SLC2A14: variants seen among roughly 807,000 people sequenced by gnomAD.
SLC2A14 encodes solute carrier family 2, facilitated glucose transporter member 14.
In SLC2A14, 13 loss-of-function variants were observed where a neutral mutation model predicts 43.0. The observed-to-expected ratio is 0.30, with a 90% confidence interval of 0.20 to 0.48. SLC2A14 has a LOEUF of 0.48. SLC2A14 is among the 20% of genes least tolerant of loss of function. The pLI, the probability that SLC2A14 is intolerant of heterozygous loss-of-function variation, is 0.99. For synonymous variants in SLC2A14, 190 were observed against 233.8 expected, an observed-to-expected ratio of 0.81 and a Z score of 1.71; for missense variants, 428 against 620.4, an observed-to-expected ratio of 0.69 and a Z score of 3.29.
upstream of SLC2A14, chr12:7,891,186 G>A (rs936078643): frequency 2.7e-6 from 4 of 1,496,600 alleles, no homozygotes; most frequent in South Asian, 2.5e-5. Flanking sequence ...GCAGACCCAG[G>A]AGCAGAGTGC....
chr12:7,872,886 C>T lies in SLC2A14; in HGVS notation c.-137G>A. 3.0e-6 allele frequency: 3 copies of T among 985,658 alleles called. No homozygotes were observed. The highest frequency in any genetic ancestry group is 3.6e-6 in the Non-Finnish European group (3 of 830,120). The allele number at this position is 985,658 out of a possible 1,614,324, so 61.1% of individuals were successfully genotyped here. ...TCCCGGGCCGCTGCGCCCCCGCCGG[C>T]CCCGCCTGCAGCCGTTGGGACCCAC... is the stretch of plus-strand genomic sequence containing the variant. On this transcript the variant is annotated 5_prime_UTR_variant, in exon 1 of 11. Coordinates refer to ENST00000431042, the MANE Select transcript of SLC2A14 (RefSeq NM_001286234.2).
Position 7,826,901 on chromosome 12 carries a change from C to CT in SLC2A14, c.864+593dup, listed in dbSNP as rs1379521684. On this transcript the variant is annotated intron_variant, in intron 7 of 10. Transcript: ENST00000431042. ...TCTTTCTTTCTTTCTTTCTTTCTTT[C>CT]TTTCTTTCTTTCTTTTTCCTTTTTC... is the stretch of plus-strand genomic sequence containing the variant. Among the ~76,000 whole-genome samples, 10 of 64,330 alleles carry CT rather than the reference C, an allele frequency of 1.6e-4. 1 individual carries two copies. The allele number at this position is 64,330 out of a possible 152,430, so 42.2% of individuals were successfully genotyped here.
intron 2 of SLC2A14, among the ~76,000 whole-genome samples, chr12:7,835,344 G>A (rs7306599): frequency 0.49 from 74,346 of 151,942 alleles, 19,148 homozygotes; most frequent in Non-Finnish European, 0.58. Context: ...CCGAGATTGC[G>A]TCACTGCACT....
chr12:7,830,856 G>A (rs909004793), intron 4 of SLC2A14, among the ~76,000 whole-genome samples: 87 of 152,252 alleles, frequency 5.7e-4, no homozygotes, highest in Non-Finnish European at 7.1e-4. Context: ...AGGCACAGTG[G>A]CTCATGCCTG....
At chr12:7,824,668 A>G (rs10845999) in intron 7 of SLC2A14, among the ~76,000 whole-genome samples, 90,581 of 147,954 alleles carry the variant, frequency 0.61, 27,776 homozygotes, top group African/African-American at 0.69. Flanking sequence ...AGGAGGTGGA[A>G]GTTGCAGTGA....
At chr12:7,818,207 G>T (rs939135112) in intron 9 of SLC2A14, among the ~76,000 whole-genome samples, 173 bp from the exon 10 acceptor site, 1 of 113,398 alleles carries the variant, frequency 8.8e-6, no homozygotes, top group African/African-American at 2.8e-5. Context: ...TTTTTGAGAC[G>T]GGGTCTTACT....
chr12:7,848,079 C>A (rs1273880255), intron 2 of SLC2A14, among the ~76,000 whole-genome samples: 1 of 152,118 alleles, frequency 6.6e-6, no homozygotes, highest in African/African-American at 2.4e-5. Context: ...CAGAAAGCAG[C>A]TGCAGACAGA....
At chr12:7,875,560 C>T (rs1945449792), upstream of SLC2A14, among the ~76,000 whole-genome samples, 1 of 151,788 alleles carries the variant, frequency 6.6e-6, no homozygotes, top group South Asian at 2.1e-4. Flanking sequence ...TTTCTACCCC[C>T]TCAATATTAA....
intron 2 of SLC2A14, among the ~76,000 whole-genome samples, chr12:7,852,893 C>T (rs1339968583): frequency 1.3e-5 from 2 of 152,030 alleles, no homozygotes; most frequent in Non-Finnish European, 1.5e-5. Context: ...CAGGAGGAAA[C>T]AGAGAAAAAA....
At chr12:7,842,195 C>G (rs113213181) in intron 2 of SLC2A14, among the ~76,000 whole-genome samples, 1 of 152,072 alleles carries the variant, frequency 6.6e-6, no homozygotes, top group African/African-American at 2.4e-5. Flanking sequence ...CATTGAAGGT[C>G]CCTGCATGTC....
intron 1 of SLC2A14, among the ~76,000 whole-genome samples, chr12:7,881,349 G>A (rs1420386557): frequency 1.3e-5 from 2 of 151,936 alleles, no homozygotes; most frequent in East Asian, 3.9e-4. Flanking sequence ...GTGGGTTTGG[G>A]CTCGGCGGGC....
rs1945126212 is a variant in SLC2A14, at chr12:7,869,753, A to G, written c.18+110T>C. The G allele has an allele frequency of 9.9e-6, 7 of 704,912 alleles. No homozygotes were observed. The South Asian group carries it at 1.1e-4, about 11-fold the overall frequency. The allele number at this position is 704,912 out of a possible 1,614,324, so 43.7% of individuals were successfully genotyped here. ...CAGTCTCTCCCACCACCACTTACGT[A>G]TATTACACATTATCAAGACATGAAA... On this transcript the variant is annotated intron_variant, in intron 2 of 10. Transcript: ENST00000431042.
chr12:7,828,097 C>T (rs1864654274), intron 6 of SLC2A14, among the ~76,000 whole-genome samples: 1 of 151,936 alleles, frequency 6.6e-6, no homozygotes, highest in African/African-American at 2.4e-5. Flanking sequence ...GGCGCGGTGG[C>T]TCACACCTGT....
At chr12:7,863,620 A>T (rs1944732950) in intron 2 of SLC2A14, among the ~76,000 whole-genome samples, 1 of 150,952 alleles carries the variant, frequency 6.6e-6, no homozygotes, top group African/African-American at 2.4e-5. Context: ...ACTCCATCTT[A>T]AAAAAAAATA....
intron 1 of SLC2A14, among the ~76,000 whole-genome samples, chr12:7,888,163 C>T (rs1945717248): frequency 6.6e-6 from 1 of 152,100 alleles, no homozygotes; most frequent in Non-Finnish European, 1.5e-5. Context: ...CCCTCCCTAT[C>T]CTCCATTTGA....
intron 4 of SLC2A14, among the ~76,000 whole-genome samples, chr12:7,830,464 T>C (rs1341294514): frequency 6.6e-6 from 1 of 152,136 alleles, no homozygotes; most frequent in African/African-American, 2.4e-5. Context: ...TTTTACTTTC[T>C]ATTATCAGAA....
chr12:7,836,011 A>G (rs1017222686), intron 2 of SLC2A14, among the ~76,000 whole-genome samples: 1 of 152,096 alleles, frequency 6.6e-6, no homozygotes. Flanking sequence ...GCCTAATCCC[A>G]GCTCTCAGGC....
intron 4 of SLC2A14, 125 bp from the exon 5 acceptor site, chr12:7,830,131 C>CT: frequency 9.6e-6 from 12 of 1,248,956 alleles, no homozygotes; most frequent in Non-Finnish European, 1.2e-5. Context: ...TCTAACTTTT[C>CT]TTTTTCACTT....
At chr12:7,836,696 C>T (rs1239315655) in intron 2 of SLC2A14, among the ~76,000 whole-genome samples, 2 of 150,094 alleles carry the variant, frequency 1.3e-5, no homozygotes, top group African/African-American at 2.4e-5. Flanking sequence ...ATTAGCCAGG[C>T]GTGGTGGCAC....
Sources: allele counts gnomAD v4.1 joint callset (sites outside exome capture counted in the v4.1 genomes callset), GRCh38; gene constraint gnomAD v4.1.1; transcripts MANE v1.5; gene names NCBI Gene and HGNC (gene_info 2026-07-23, HGNC 2026-07-21).